The following RPN2 variants were observed in gnomAD, a reference collection of about 807,000 sequenced individuals.
RPN2 encodes ribophorin II.
RPN2 carries 29 observed loss-of-function variants against 71.4 expected under a neutral mutation model. The ratio of observed to expected loss-of-function variants is 0.41; its 90% CI spans 0.30 to 0.55. RPN2 has a LOEUF of 0.55. Among genes scored for constraint, RPN2 ranks in the 20% least tolerant of loss-of-function variants. RPN2 has a pLI of 0.35. For missense variants in RPN2, 726 were observed against 774.1 expected, an observed-to-expected ratio of 0.94 and a Z score of 0.74; for synonymous variants, 308 against 305.0, an observed-to-expected ratio of 1.01 and a Z score of -0.10.
Position 37,236,671 on chromosome 20 carries a change from G to A in RPN2, c.1845G>A (p.Leu615=), listed in dbSNP as rs148965319. Residue 615 remains leucine, a synonymous_variant, in exon 16 of 17, where the codon CTG becomes CTA. Coordinates refer to ENST00000237530, the MANE Select transcript of RPN2 (RefSeq NM_002951.5). ...YLAILGSVTF[L]AGNRMLAQQA... ...CCATCCTGGGCAGTGTGACGTTTCT[G>A]GCTGGCAATCGGATGCTGGCCCAGC... The A allele has an allele frequency of 1.7e-5, 28 of 1,614,018 alleles. No homozygotes were observed. The highest frequency in any genetic ancestry group is 2.2e-5 in the South Asian group (2 of 91,086).
chr20:37,182,178 C>G (rs6031887), intron 1 of RPN2, among the ~76,000 whole-genome samples: 6,300 of 152,160 alleles, frequency 0.041, 189 homozygotes, highest in African/African-American at 0.075. Context: ...ACTGCAACTT[C>G]CGCCTCCTGG....
Position 37,228,662 on chromosome 20 carries a change from A to G in RPN2, c.1412A>G (p.Glu471Gly). 1 of 1,614,150 alleles carries G rather than the reference A, an allele frequency of 6.2e-7. No homozygotes were observed. The highest frequency in any genetic ancestry group is 8.5e-7 in the Non-Finnish European group (1 of 1,180,004). The stretch of plus-strand genomic sequence containing the variant: ...CTGGATACCTCTGAAAGAAAGATTG[A>G]ATTTGACTCTGCCTCTGGCACCTAC... Reference protein sequence around the residue: ...FELDTSERKIEFDSASGTYTL... With the variant: ...FELDTSERKIGFDSASGTYTL... The change falls in exon 12 of 17, where the codon GAA becomes GGA. Residue 471 changes from glutamate to glycine, a missense_variant. Physicochemically the swap from Glu to Gly is moderately conservative, Grantham distance 98 (BLOSUM62 -2). Coordinates refer to ENST00000237530, the MANE Select transcript of RPN2 (RefSeq NM_002951.5).
In RPN2 at chr20:37,227,934, TG is replaced by T. The variant is rs764985567; in HGVS notation, c.1300-614del. 7.2e-5 allele frequency among the ~76,000 whole-genome samples: 11 copies of T among 152,360 alleles called. 1 individual carries two copies. The East Asian group carries it at 1.5e-3, about 21-fold the overall frequency. ...AATCTTCACACAGATATGCCACATC[TG>T]GAAGTTAATTTTTCTGCCTTAAAGT... On this transcript the variant is annotated intron_variant, in intron 11 of 16. Coordinates refer to ENST00000237530, the MANE Select transcript of RPN2 (RefSeq NM_002951.5).
At chr20:37,194,554 G>A (rs1400090813) in intron 2 of RPN2, among the ~76,000 whole-genome samples, 2 of 152,216 alleles carry the variant, frequency 1.3e-5, no homozygotes, top group African/African-American at 4.8e-5. Context: ...GAGCCATCAC[G>A]CCCAGCCAGG....
rs146042631 is a variant in RPN2, at chr20:37,231,714, T to TA, written c.1582-574dup. Among the ~76,000 whole-genome samples the TA allele has an allele frequency of 3.8e-4, 55 of 145,750 alleles. 1 individual carries two copies. The highest frequency in any genetic ancestry group is 3.6e-4 in the Non-Finnish European group (24 of 66,816). ...GTGACACAGTGAGGTCCTGTCTCTTTAAAAAAAAGAAAAAGAAATGAGAGC... is the reference window on the plus strand; with the variant it reads ...GTGACACAGTGAGGTCCTGTCTCTTTAAAAAAAAAGAAAAAGAAATGAGAGC... On this transcript the variant is annotated intron_variant, in intron 13 of 16. Transcript: ENST00000237530.
chr20:37,239,958 T>A (rs1466972822), intron 16 of RPN2, among the ~76,000 whole-genome samples: 2 of 152,206 alleles, frequency 1.3e-5, no homozygotes, highest in Non-Finnish European at 2.9e-5. Flanking sequence ...GGGGTCTCAT[T>A]ATGTTGCCCA....
At chr20:37,202,934 AT>A (rs929500458) in intron 4 of RPN2, among the ~76,000 whole-genome samples, 3 of 151,724 alleles carry the variant, frequency 2.0e-5, no homozygotes, top group Non-Finnish European at 2.9e-5. Context: ...GGTTTTATCT[AT>A]TTTTTTTGGA....
intron 1 of RPN2, among the ~76,000 whole-genome samples, chr20:37,183,505 G>A (rs2066930673): frequency 6.6e-6 from 1 of 152,096 alleles, no homozygotes. Flanking sequence ...AGATCTTTCT[G>A]TATTAACTCG....
At chr20:37,204,296 G>A (rs947423254) in intron 5 of RPN2, among the ~76,000 whole-genome samples, 2 of 152,216 alleles carry the variant, frequency 1.3e-5, no homozygotes, top group African/African-American at 4.8e-5. Flanking sequence ...TCACAGGCAC[G>A]TTGGTTGCCT....
chr20:37,211,789 G>GT lies in RPN2; in HGVS notation c.986+1625dup, dbSNP rs568934190. ...CTCTTGTTGCCCAGGCTGGAGTGCA[G>GT]TGTAGTGGCGTGATGTCTGCTCATT... On this transcript the variant is annotated intron_variant, in intron 8 of 16. Coordinates refer to ENST00000237530, the MANE Select transcript of RPN2 (RefSeq NM_002951.5). Among the ~76,000 whole-genome samples the GT allele has an allele frequency of 2.2e-3, 331 of 151,622 alleles. 1 individual carries two copies. Among genetic ancestry groups the GT allele is most frequent in the African/African-American group, 7.8e-3 (321 of 41,276 alleles).
intron 8 of RPN2, among the ~76,000 whole-genome samples, chr20:37,212,712 C>G (rs2067703851): frequency 6.6e-6 from 1 of 152,040 alleles, no homozygotes; most frequent in African/African-American, 2.4e-5. Flanking sequence ...AACTCCTGAC[C>G]TAAAGTGACC....
At chr20:37,198,180 G>A (rs1287764839) in intron 2 of RPN2, among the ~76,000 whole-genome samples, 2 of 152,206 alleles carry the variant, frequency 1.3e-5, no homozygotes, top group Admixed American at 6.5e-5. Flanking sequence ...TCTAAGGTTC[G>A]GAAGGACTCA....
chr20:37,187,763 C>A (rs1336694724), intron 2 of RPN2, among the ~76,000 whole-genome samples: 1 of 152,028 alleles, frequency 6.6e-6, no homozygotes, highest in Non-Finnish European at 1.5e-5. Flanking sequence ...ATCTCAGCCT[C>A]CTAAGTAGCT....
intron 6 of RPN2, 78 bp from the exon 7 acceptor site, chr20:37,207,195 T>A (rs1417366294): frequency 7.7e-6 from 9 of 1,168,284 alleles, no homozygotes; most frequent in Non-Finnish European, 9.0e-6. Flanking sequence ...CAGATAAGGG[T>A]GACTTTCCTC....
intron 7 of RPN2, among the ~76,000 whole-genome samples, chr20:37,209,763 A>C (rs139810863): frequency 6.6e-6 from 1 of 152,062 alleles, no homozygotes; most frequent in Non-Finnish European, 1.5e-5. Flanking sequence ...AATTATAGGC[A>C]TGAGCCATCA....
intron 4 of RPN2, among the ~76,000 whole-genome samples, chr20:37,202,758 G>A (rs1158684005): frequency 6.6e-6 from 1 of 152,164 alleles, no homozygotes; most frequent in Non-Finnish European, 1.5e-5. Context: ...ACATGGATGA[G>A]CCTTGAAAAC....
At chr20:37,213,104 C>T (rs868169729) in intron 8 of RPN2, among the ~76,000 whole-genome samples, 5 of 152,288 alleles carry the variant, frequency 3.3e-5, no homozygotes, top group Admixed American at 6.5e-5. Context: ...ATTATACTAT[C>T]GTACACCAAC....
chr20:37,238,148 G>A (rs1298566644), intron 16 of RPN2, among the ~76,000 whole-genome samples: 2 of 152,202 alleles, frequency 1.3e-5, no homozygotes, highest in Non-Finnish European at 1.5e-5. Context: ...CATTTTATGG[G>A]GAGAGAGACT....
At chr20:37,239,062 TC>T (rs780331500) in intron 16 of RPN2, among the ~76,000 whole-genome samples, 28 of 152,260 alleles carry the variant, frequency 1.8e-4, no homozygotes, top group South Asian at 4.1e-4. Context: ...TGCATATCAG[TC>T]CTAGGATGGG....
Sources: allele counts gnomAD v4.1 joint callset (sites outside exome capture counted in the v4.1 genomes callset), GRCh38; gene constraint gnomAD v4.1.1; transcripts MANE v1.5; gene names NCBI Gene and HGNC (gene_info 2026-07-23, HGNC 2026-07-21).